The following LRRTM4 variants were observed in gnomAD, a reference collection of about 807,000 sequenced individuals.
LRRTM4 encodes the protein leucine rich repeat transmembrane neuronal 4.
LRRTM4 carries 25 observed loss-of-function variants against 47.6 expected under a neutral mutation model. The observed-to-expected ratio is 0.53, with a 90% confidence interval of 0.38 to 0.73. The LOEUF is 0.73. Ranked by LOEUF, LRRTM4 falls within the 30% of genes least tolerant of loss-of-function variation. The probability of loss-of-function intolerance (pLI) is 0.00; values close to 1 mark genes in which losing one functional copy is unlikely to be tolerated. For synonymous variants in LRRTM4, 311 were observed against 269.5 expected (o/e 1.15, Z -1.51); for missense variants, 638 against 713.4 (o/e 0.89, Z 1.20).
chr2:77,468,259 C>A (rs1189544369), intron 3 of LRRTM4, among the ~76,000 whole-genome samples: 1 of 151,592 alleles, frequency 6.6e-6, no homozygotes, highest in South Asian at 2.1e-4. Context: ...TTTTTTCATT[C>A]TTCCATTTGT....
chr2:76,775,231 C>A (rs186579132), intron 3 of LRRTM4, among the ~76,000 whole-genome samples: 2 of 152,212 alleles, frequency 1.3e-5, no homozygotes, highest in Admixed American at 1.3e-4. Context: ...AGTAGCATGA[C>A]ATTTTCAATG....
chr2:76,806,738 G>C (rs1675987305), intron 3 of LRRTM4, among the ~76,000 whole-genome samples: 1 of 151,986 alleles, frequency 6.6e-6, no homozygotes, highest in South Asian at 2.1e-4. Context: ...ATGGTGATAA[G>C]ATATTGTAAA....
chr2:76,787,700 G>T (rs1674751362), intron 3 of LRRTM4, among the ~76,000 whole-genome samples: 1 of 152,008 alleles, frequency 6.6e-6, no homozygotes, highest in Non-Finnish European at 1.5e-5. Context: ...TATTCGGGTT[G>T]ATTCTTATCC....
Position 77,075,616 on chromosome 2 carries a change from A to G in LRRTM4, c.1552-326700T>C, listed in dbSNP as rs1018546575. Among the ~76,000 whole-genome samples the G allele has an allele frequency of 2.6e-5, 4 of 152,208 alleles. No individual in the cohort carries two copies. The South Asian group carries it at 6.2e-4, about 24-fold the overall frequency. ...AATCAAAATTTAAAATTAATTTTCA[A>G]TTTTGTTTTAAAAATGGGGCCGGGC... On this transcript the variant is annotated intron_variant, in intron 3 of 3. Coordinates refer to ENST00000409884, the MANE Select transcript of LRRTM4 (RefSeq NM_001134745.3).
intron 3 of LRRTM4, among the ~76,000 whole-genome samples, chr2:76,800,178 C>A: frequency 6.8e-6 from 1 of 148,018 alleles, no homozygotes; most frequent in Non-Finnish European, 1.5e-5. Context: ...AAGCTGGAGG[C>A]ATCACACTCC....
rs1339206642 is a variant in LRRTM4 at position 77,021,106 on chromosome 2, CTATG to C, written c.1552-272194_1552-272191del. ...AAGAAACTTCTCTGTATCTATCTAT[CTATG>C]TATCTATCTATCTATCTATCTAGCC... is the stretch of plus-strand genomic sequence containing the variant. On this transcript the variant is annotated intron_variant, in intron 3 of 3. Transcript: ENST00000409884. Among the ~76,000 whole-genome samples the C allele has an allele frequency of 6.8e-5, 8 of 117,484 alleles. No homozygotes were observed. In the East Asian group the frequency reaches 1.9e-3, roughly 28 times the overall value. The allele number at this position is 117,484 out of a possible 152,430, so 77.1% of individuals were successfully genotyped here.
intron 3 of LRRTM4, among the ~76,000 whole-genome samples, chr2:77,227,723 T>C (rs1258369173): frequency 6.6e-6 from 1 of 152,100 alleles, no homozygotes; most frequent in African/African-American, 2.4e-5. Context: ...ACAGATTATA[T>C]AGTGTGGTCT....
intron 3 of LRRTM4, among the ~76,000 whole-genome samples, chr2:77,150,868 C>A (rs1044140844): frequency 1.3e-5 from 2 of 152,126 alleles, no homozygotes; most frequent in African/African-American, 2.4e-5. Context: ...TCTTCCCTTG[C>A]CATAGTCTTT....
intron 3 of LRRTM4, among the ~76,000 whole-genome samples, chr2:76,804,865 T>G (rs960399628): frequency 6.6e-6 from 1 of 151,612 alleles, no homozygotes; most frequent in Admixed American, 6.6e-5. Context: ...TTAATAGATT[T>G]TTTTAAAGCC....
chr2:77,109,056 C>T (rs534303141), intron 3 of LRRTM4, among the ~76,000 whole-genome samples: 23 of 152,044 alleles, frequency 1.5e-4, no homozygotes, highest in Non-Finnish European at 2.4e-4. Flanking sequence ...AGTGCTGAAG[C>T]GTACAATAAA....
At chr2:76,960,899 T>C (rs1675835549) in intron 3 of LRRTM4, among the ~76,000 whole-genome samples, 1 of 151,542 alleles carries the variant, frequency 6.6e-6, no homozygotes, top group Non-Finnish European at 1.5e-5. Context: ...CTCACCATTT[T>C]TGTTAAATAA....
chr2:77,476,284 A>T (rs1342863002), intron 3 of LRRTM4, among the ~76,000 whole-genome samples: 1 of 152,078 alleles, frequency 6.6e-6, no homozygotes, highest in Non-Finnish European at 1.5e-5. Context: ...GTAAACATCT[A>T]CCTTAATACT....
At chr2:76,940,548 C>T (rs9309506) in intron 3 of LRRTM4, among the ~76,000 whole-genome samples, 44,021 of 151,876 alleles carry the variant, frequency 0.29, 8,284 homozygotes, top group African/African-American at 0.54. Context: ...CTAGGCTTAA[C>T]ACATGGGTGA....
At chr2:77,274,339 A>G (rs753456632) in intron 3 of LRRTM4, among the ~76,000 whole-genome samples, 9 of 152,164 alleles carry the variant, frequency 5.9e-5, no homozygotes, top group Non-Finnish European at 1.2e-4. Flanking sequence ...TTCCTGCTAT[A>G]TCTATATCTC....
At chr2:76,932,375 T>C (rs1024938315) in intron 3 of LRRTM4, among the ~76,000 whole-genome samples, 3 of 152,228 alleles carry the variant, frequency 2.0e-5, no homozygotes, top group Non-Finnish European at 4.4e-5. Context: ...TTTCCCCTAG[T>C]AGTATAATCT....
chr2:77,400,369 A>T (rs932650465), intron 3 of LRRTM4, among the ~76,000 whole-genome samples: 1 of 151,796 alleles, frequency 6.6e-6, no homozygotes, highest in Non-Finnish European at 1.5e-5. Flanking sequence ...CAGAACTGTC[A>T]TTGATTTCTT....
chr2:77,102,463 T>A (rs1396194884), intron 3 of LRRTM4, among the ~76,000 whole-genome samples: 1 of 152,194 alleles, frequency 6.6e-6, no homozygotes, highest in Non-Finnish European at 1.5e-5. Flanking sequence ...GAAAACAGAT[T>A]CCCTTGTTGA....
At chr2:76,760,276 A>G (rs547765467) in intron 3 of LRRTM4, among the ~76,000 whole-genome samples, 1 of 152,198 alleles carries the variant, frequency 6.6e-6, no homozygotes, top group African/African-American at 2.4e-5. Context: ...AGCTAAAGAT[A>G]TTAGAATGAC....
At chr2:77,054,877 T>C (rs952558789) in intron 3 of LRRTM4, among the ~76,000 whole-genome samples, 2 of 152,240 alleles carry the variant, frequency 1.3e-5, no homozygotes, top group African/African-American at 2.4e-5. Context: ...ATATTCATTT[T>C]TGACCAATCT....
Sources: allele counts gnomAD v4.1 joint callset (sites outside exome capture counted in the v4.1 genomes callset), GRCh38; gene constraint gnomAD v4.1.1; transcripts MANE v1.5; gene names NCBI Gene and HGNC (gene_info 2026-07-23, HGNC 2026-07-21).